Variants in HCFC2 observed in about 807,000 individuals in gnomAD.
HCFC2 encodes host cell factor C2.
Under a neutral mutation model 89.2 loss-of-function variants are expected in HCFC2, and 18 were observed. The observed-to-expected ratio is 0.20, with a 90% confidence interval of 0.14 to 0.30. The LOEUF (loss-of-function observed/expected upper bound fraction) is 0.30, where lower values mean the gene tolerates loss of function less well. Among genes scored for constraint, HCFC2 ranks in the 10% least tolerant of loss-of-function variants. HCFC2 has a pLI of 1.00. For missense variants in HCFC2, 578 were observed against 956.1 expected, an observed-to-expected ratio of 0.60 and a Z score of 5.21; for synonymous variants, 308 against 335.7, an observed-to-expected ratio of 0.92 and a Z score of 0.90.
At chr12:104,072,026 C>T (rs1434068159) in intron 3 of HCFC2, among the ~76,000 whole-genome samples, 1 of 152,044 alleles carries the variant, frequency 6.6e-6, no homozygotes, top group Non-Finnish European at 1.5e-5. Context: ...TGAGTTGTAA[C>T]AATTCTTTAT....
chr12:104,076,383 T>C (rs1883496245), intron 3 of HCFC2, among the ~76,000 whole-genome samples: 1 of 152,230 alleles, frequency 6.6e-6, no homozygotes, highest in Non-Finnish European at 1.5e-5. Flanking sequence ...GATCTGTGTT[T>C]TGTTTCTTGT....
At chr12:104,093,645 C>G in intron 10 of HCFC2, 82 bp downstream of exon 10, 1 of 1,248,386 alleles carries the variant, frequency 8.0e-7, no homozygotes, top group Non-Finnish European at 1.1e-6. Flanking sequence ...AAATGTTGTA[C>G]AGTTTTGATC....
chr12:104,091,591 C>T (rs772472622), intron 9 of HCFC2, among the ~76,000 whole-genome samples: 1 of 152,120 alleles, frequency 6.6e-6, no homozygotes, highest in Non-Finnish European at 1.5e-5. Context: ...TTTAATCTAT[C>T]GTGTTTAATG....
chr12:104,086,053 A>G (rs1883830463), intron 7 of HCFC2, among the ~76,000 whole-genome samples: 1 of 137,610 alleles, frequency 7.3e-6, no homozygotes, highest in African/African-American at 2.8e-5. Context: ...GCTGGAGTGC[A>G]GTGTTGCGAC....
intron 7 of HCFC2, among the ~76,000 whole-genome samples, chr12:104,084,292 A>G (rs1022036214): frequency 1.3e-5 from 2 of 152,168 alleles, no homozygotes; most frequent in Non-Finnish European, 2.9e-5. Flanking sequence ...TACATGAGAT[A>G]GTGGTGTTAG....
chr12:104,084,384 C>T lies in HCFC2; in HGVS notation c.1063+1483C>T, dbSNP rs557542213. Reference sequence around the variant, plus strand: ...TGATGAGATGACATGGGATGTGATTCGAATGGTGAGAAGGAGCTACCCACA... The same window carrying T: ...TGATGAGATGACATGGGATGTGATTTGAATGGTGAGAAGGAGCTACCCACA... On this transcript the variant is annotated intron_variant, in intron 7 of 14. Transcript: ENST00000229330. Among the ~76,000 whole-genome samples, 5 of 152,056 alleles carry T rather than the reference C, an allele frequency of 3.3e-5. No individual in the cohort carries two copies. In the East Asian group the frequency reaches 9.7e-4, roughly 29 times the overall value.
At chr12:104,082,416 G>A in intron 5 of HCFC2, 84 bp from the exon 6 acceptor site, 1 of 830,590 alleles carries the variant, frequency 1.2e-6, no homozygotes, top group Non-Finnish European at 2.0e-6. Context: ...TCAACTGATA[G>A]GAAATTTTTC....
At chr12:104,076,754 A>T (rs185716156) in intron 3 of HCFC2, among the ~76,000 whole-genome samples, 35 of 145,288 alleles carry the variant, frequency 2.4e-4, no homozygotes, top group Non-Finnish European at 3.6e-4. Flanking sequence ...GGGCAGTTTT[A>T]TTCTGCGCTT....
At chr12:104,085,524 A>G (rs1883808988) in intron 7 of HCFC2, among the ~76,000 whole-genome samples, 1 of 152,148 alleles carries the variant, frequency 6.6e-6, no homozygotes, top group Non-Finnish European at 1.5e-5. Flanking sequence ...ACTTAAAAAG[A>G]TTTTTAAAAA....
rs1379258613 is a variant in HCFC2 at position 104,095,492 on chromosome 12, AAT to A, written c.1596_1597del (p.Glu532AspfsTer10). 6.2e-7 allele frequency: 1 copy of A among 1,613,762 alleles called. No individual in the cohort carries two copies. Among genetic ancestry groups the A allele is most frequent in the South Asian group, 1.1e-5 (1 of 91,072 alleles). On this transcript the variant is annotated frameshift_variant, in exon 11 of 15. Transcript: ENST00000229330. LOFTEE classifies it high-confidence loss of function. The surrounding 1 kb of genome is among the most constrained non-coding windows in gnomAD (Gnocchi z 4.2). The stretch of plus-strand genomic sequence containing the variant: ...GTAACCCAGCAGACCATTAAAACTG[AAT>A]CATCCAGTACAAATGGGGCAGTTGT...
chr12:104,068,570 G>A lies in HCFC2; in HGVS notation c.473+463G>A, dbSNP rs758626760. Among the ~76,000 whole-genome samples the A allele has an allele frequency of 6.6e-6, 1 of 152,170 alleles. No individual in the cohort carries two copies. Among genetic ancestry groups the A allele is most frequent in the African/African-American group, 2.4e-5 (1 of 41,452 alleles). On this transcript the variant is annotated intron_variant, in intron 3 of 14. Transcript: ENST00000229330. This position sits in a 1 kb window ranked among gnomAD's most constrained non-coding sequence, Gnocchi z 4.1. The stretch of plus-strand genomic sequence containing the variant: ...ACAGGAAGCTATTAGAGTAGTTCAC[G>A]CTAGCATATACTTTTACAATCAATT...
intron 9 of HCFC2, among the ~76,000 whole-genome samples, chr12:104,089,830 T>C (rs1046568698): frequency 6.6e-6 from 1 of 152,232 alleles, no homozygotes; most frequent in African/African-American, 2.4e-5. Context: ...TTCACTTGCT[T>C]AGTTTTCTTC....
intron 8 of HCFC2, among the ~76,000 whole-genome samples, chr12:104,087,470 T>TATATATATGTGTATATATATATAC (rs1555286253): frequency 0.012 from 87 of 7,344 alleles, no homozygotes; most frequent in African/African-American, 0.034. Context: ...TATATACATA[T>TATATATATGTGTATATATATATAC]ATATATATAT....
intron 8 of HCFC2, among the ~76,000 whole-genome samples, chr12:104,087,713 T>G (rs1014421815): frequency 3.3e-5 from 5 of 152,020 alleles, no homozygotes; most frequent in African/African-American, 1.2e-4. Flanking sequence ...TTAGTTGACT[T>G]CAGCAGATGG....
chr12:104,075,719 C>G (rs1883473533), intron 3 of HCFC2, among the ~76,000 whole-genome samples: 1 of 152,166 alleles, frequency 6.6e-6, no homozygotes, highest in Admixed American at 6.5e-5. Flanking sequence ...CTCAGTCTCC[C>G]AAGGTGCTGG....
chr12:104,096,527 C>G, intron 12 of HCFC2, 94 bp downstream of exon 12: 3 of 806,364 alleles, frequency 3.7e-6, no homozygotes, highest in Non-Finnish European at 6.2e-6. Flanking sequence ...AAAAGATTCT[C>G]AGGTCTCAGT....
chr12:104,089,608 A>G (rs1259744388), intron 9 of HCFC2, among the ~76,000 whole-genome samples: 1 of 152,224 alleles, frequency 6.6e-6, no homozygotes, highest in East Asian at 1.9e-4. Context: ...AATTGTCTTC[A>G]ATAATGAAAG....
chr12:104,092,381 G>T (rs1884045730), intron 9 of HCFC2, among the ~76,000 whole-genome samples: 1 of 152,108 alleles, frequency 6.6e-6, no homozygotes, highest in Non-Finnish European at 1.5e-5. Flanking sequence ...CAGGAGGATT[G>T]CTTGGCAGGC....
Position 104,071,049 on chromosome 12 carries a change from G to A in HCFC2, c.473+2942G>A, listed in dbSNP as rs149466324. Among the ~76,000 whole-genome samples the A allele has an allele frequency of 4.0e-3, 612 of 151,960 alleles. 3 individuals are homozygous for A. The highest frequency in any genetic ancestry group is 0.014 in the African/African-American group (583 of 41,444). On this transcript the variant is annotated intron_variant, in intron 3 of 14. Coordinates refer to ENST00000229330, the MANE Select transcript of HCFC2 (RefSeq NM_013320.3). ...TCTTGATCTCCTGACCTCATCATCC[G>A]CCTGCCTCAGCCTACCAAAGTGCTG...
Sources: gnomAD v4.1 joint callset for allele counts (sites outside exome capture counted in the v4.1 genomes callset) on GRCh38, gnomAD v4.1.1 for gene constraint, Gnocchi (gnomAD v3.1) non-coding constraint, MANE v1.5 for transcripts, NCBI Gene and HGNC (gene_info 2026-07-23, HGNC 2026-07-21) for gene names.